The following TASP1 variants were observed in gnomAD, a reference collection of about 807,000 sequenced individuals.
TASP1 encodes the protein taspase 1.
A neutral mutation model predicts 56.6 loss-of-function variants in TASP1; 16 were observed. The ratio of observed to expected loss-of-function variants is 0.28; its 90% CI spans 0.19 to 0.43. The LOEUF (loss-of-function observed/expected upper bound fraction) is 0.43, where lower values mean the gene tolerates loss of function less well. Ranked by LOEUF, TASP1 falls within the 20% of genes least tolerant of loss-of-function variation. The pLI, the probability that TASP1 is intolerant of heterozygous loss-of-function variation, is 1.00. For missense variants in TASP1, 393 were observed against 511.6 expected (o/e 0.77, Z 2.24); for synonymous variants, 179 against 184.2 (o/e 0.97, Z 0.23).
At chr20:13,426,389 AT>A (rs1481218310) in intron 12 of TASP1, among the ~76,000 whole-genome samples, 2 of 152,158 alleles carry the variant, frequency 1.3e-5, no homozygotes, top group African/African-American at 4.8e-5. Context: ...CTATTCATAA[AT>A]TTTTGTATTC....
chr20:13,282,530 G>A, the TASP1 span, among the ~76,000 whole-genome samples: 1 of 152,190 alleles, frequency 6.6e-6, no homozygotes. Context: ...GGCAGTTACT[G>A]TGGCTACCTC....
the TASP1 span, among the ~76,000 whole-genome samples, chr20:13,310,687 T>C: frequency 6.6e-5 from 10 of 152,250 alleles, no homozygotes; most frequent in Non-Finnish European, 1.3e-4. Context: ...ATGGGGTTAA[T>C]CCGAAATACA....
At position 13,625,225 on chromosome 20, in the gene TASP1, G is replaced by A. The variant is rs2048847684; in HGVS notation, c.173C>T (p.Ala58Val). 1 of 1,611,108 alleles carries A rather than the reference G, an allele frequency of 6.2e-7. No individual in the cohort carries two copies. Among genetic ancestry groups the A allele is most frequent in the Admixed American group, 1.7e-5 (1 of 59,564 alleles). Residue 58 changes from alanine (A) to valine (V), a missense_variant, in exon 3 of 14, where the codon GCC becomes GTC. Transcript: ENST00000337743. ...AGAGYHSESK[A>V]KEYKHVCKRA... ...TTTGCATACATGTTTATACTCCTTGGCTTTGGATTCAGAATGATAACCTGC... is the reference window on the plus strand; with the variant it reads ...TTTGCATACATGTTTATACTCCTTGACTTTGGATTCAGAATGATAACCTGC...
the TASP1 span, among the ~76,000 whole-genome samples, chr20:13,139,149 A>G: frequency 4.6e-5 from 7 of 152,296 alleles, no homozygotes; most frequent in South Asian, 1.2e-3. Flanking sequence ...GATGTTTTTC[A>G]ATCAAGAAAC....
At chr20:13,387,657 G>A (rs2041174231), downstream of TASP1, among the ~76,000 whole-genome samples, 1 of 152,200 alleles carries the variant, frequency 6.6e-6, no homozygotes, top group South Asian at 2.1e-4. Flanking sequence ...AGAATGCCTT[G>A]TATTTCTTTA....
At chr20:13,327,517 G>A in the TASP1 span, among the ~76,000 whole-genome samples, 4 of 152,120 alleles carry the variant, frequency 2.6e-5, no homozygotes, top group Non-Finnish European at 5.9e-5. Context: ...TAAGCAAAAA[G>A]AACAAAGCTG....
intron 11 of TASP1, among the ~76,000 whole-genome samples, chr20:13,465,178 CAAAAAAA>C (rs771255579): frequency 1.0e-4 from 6 of 57,250 alleles, no homozygotes; most frequent in African/African-American, 2.9e-4. Context: ...TTCTCTCTCC[CAAAAAAA>C]AAAAAAAAAA....
the TASP1 span, among the ~76,000 whole-genome samples, chr20:13,191,003 A>G: frequency 1.3e-5 from 2 of 152,182 alleles, no homozygotes; most frequent in East Asian, 3.8e-4. Flanking sequence ...AATGTTCAGT[A>G]TCACTAATCA....
At chr20:13,307,903 T>G in the TASP1 span, among the ~76,000 whole-genome samples, 1 of 152,170 alleles carries the variant, frequency 6.6e-6, no homozygotes, top group South Asian at 2.1e-4. Context: ...GTCCAGGGTG[T>G]GCTTTTGGGT....
chr20:13,420,101 GC>G (rs2042384892), intron 12 of TASP1, among the ~76,000 whole-genome samples: 4 of 152,150 alleles, frequency 2.6e-5, no homozygotes, highest in Admixed American at 2.6e-4. Context: ...TATTAAGGGG[GC>G]AACTGCTCAG....
chr20:13,237,082 G>T, the TASP1 span, among the ~76,000 whole-genome samples: 1 of 152,186 alleles, frequency 6.6e-6, no homozygotes, highest in African/African-American at 2.4e-5. Flanking sequence ...CTTCTGCACT[G>T]CCCTAGAAGA....
At chr20:13,439,873 T>C (rs2146223250) in intron 11 of TASP1, among the ~76,000 whole-genome samples, 1 of 151,988 alleles carries the variant, frequency 6.6e-6, no homozygotes, top group South Asian at 2.1e-4. Flanking sequence ...GAGTAAAATT[T>C]CAAAGAAATA....
intron 10 of TASP1, among the ~76,000 whole-genome samples, chr20:13,487,501 T>C (rs1396800791): frequency 2.6e-5 from 4 of 152,180 alleles, no homozygotes; most frequent in Non-Finnish European, 4.4e-5. Flanking sequence ...TGCCAGTCTC[T>C]ACGGCCAGGT....
chr20:13,425,163 T>G (rs2042576968), intron 12 of TASP1, among the ~76,000 whole-genome samples: 2 of 152,200 alleles, frequency 1.3e-5, no homozygotes, highest in South Asian at 4.1e-4. Flanking sequence ...TACTTCAGTT[T>G]TGGTGGAGCT....
chr20:13,250,680 A>G, the TASP1 span, among the ~76,000 whole-genome samples: 19 of 152,362 alleles, frequency 1.2e-4, no homozygotes, highest in Middle Eastern at 3.4e-3. Context: ...TGTAAGCTCC[A>G]TGAGGGTAAG....
the TASP1 span, among the ~76,000 whole-genome samples, chr20:13,363,685 C>T: frequency 6.6e-6 from 1 of 152,144 alleles, no homozygotes; most frequent in African/African-American, 2.4e-5. Context: ...GAGCCTTCAA[C>T]CTGTGGGATC....
chr20:13,494,929 C>A (rs1332906132), intron 10 of TASP1, among the ~76,000 whole-genome samples: 1 of 151,254 alleles, frequency 6.6e-6, no homozygotes, highest in East Asian at 1.9e-4. Context: ...GCCTCTAAGC[C>A]ATGGTGTGCA....
At chr20:13,351,704 G>A in the TASP1 span, among the ~76,000 whole-genome samples, 1 of 152,164 alleles carries the variant, frequency 6.6e-6, no homozygotes, top group Non-Finnish European at 1.5e-5. Flanking sequence ...TATAATTGTG[G>A]TGGTGGTGGT....
intron 11 of TASP1, among the ~76,000 whole-genome samples, chr20:13,453,096 T>G (rs1311298467): frequency 6.6e-6 from 1 of 151,706 alleles, no homozygotes; most frequent in East Asian, 1.9e-4. Flanking sequence ...AGGAACAAAG[T>G]CTGGAAGTCC....
Sources: gnomAD v4.1 joint callset for allele counts (sites outside exome capture counted in the v4.1 genomes callset) on GRCh38, gnomAD v4.1.1 for gene constraint, MANE v1.5 for transcripts, NCBI Gene and HGNC (gene_info 2026-07-23, HGNC 2026-07-21) for gene names.